RYR3: variants seen among roughly 807,000 people sequenced by gnomAD.
RYR3 encodes brain ryanodine receptor-calcium release channel.
A neutral mutation model predicts 584.3 loss-of-function variants in RYR3; 207 were observed. The observed-to-expected ratio is 0.35, with a 90% confidence interval of 0.32 to 0.40. The LOEUF (loss-of-function observed/expected upper bound fraction) is 0.40, where lower values mean the gene tolerates loss of function less well. Ranked by LOEUF, RYR3 falls within the 10% of genes least tolerant of loss-of-function variation. RYR3 has a pLI of 1.00. For synonymous variants in RYR3, 2,416 were observed against 2,248.5 expected, an observed-to-expected ratio of 1.07 and a Z score of -2.11; for missense variants, 5,616 against 6,089.2, an observed-to-expected ratio of 0.92 and a Z score of 2.59.
chr15:33,660,028 C>G (rs549789960), intron 33 of RYR3, among the ~76,000 whole-genome samples, 169 bp from the exon 34 acceptor site: 3 of 152,194 alleles, frequency 2.0e-5, no homozygotes, highest in African/African-American at 7.2e-5. Context: ...TCAATTAATG[C>G]TCATATAACC....
chr15:33,798,100 T>TTTATTTATTTA lies in RYR3; in HGVS notation c.9831-2668_9831-2667insATTTATTTATT, dbSNP rs554762342. On this transcript the variant is annotated intron_variant, in intron 67 of 103. Transcript: ENST00000634891. Reference sequence around the variant, plus strand: ...CTGTCTGTCTTTTATTTATTTATTTTTTTTGAGATGGAGTCTTGCTCTGTG... The same window carrying TTTATTTATTTA: ...CTGTCTGTCTTTTATTTATTTATTTTTTATTTATTTATTTTGAGATGGAGTCTTGCTCTGTG... Among the ~76,000 whole-genome samples the TTTATTTATTTA allele has an allele frequency of 1.6e-4, 21 of 133,162 alleles. 1 individual carries two copies. Among genetic ancestry groups the TTTATTTATTTA allele is most frequent in the Admixed American group, 1.2e-3 (16 of 13,618 alleles). 87.4% of individuals were successfully genotyped at this position (133,162 alleles called of 152,430 possible). A position where few individuals can be genotyped will look rare whatever the true frequency, so the allele number is the denominator to read the frequency against.
intron 1 of RYR3, among the ~76,000 whole-genome samples, chr15:33,435,706 T>C (rs779435675): frequency 2.6e-5 from 4 of 152,202 alleles, no homozygotes; most frequent in Non-Finnish European, 4.4e-5. Context: ...GAGTTGATTG[T>C]TCCTCCCGGT....
intron 60 of RYR3, among the ~76,000 whole-genome samples, chr15:33,766,507 G>C (rs2073087214): frequency 6.6e-6 from 1 of 152,206 alleles, no homozygotes; most frequent in African/African-American, 2.4e-5. Context: ...TGAGTAAAGT[G>C]AGATATTCAG....
chr15:33,776,991 C>T (rs145204155), intron 64 of RYR3, among the ~76,000 whole-genome samples: 306 of 152,304 alleles, frequency 2.0e-3, no homozygotes, highest in African/African-American at 6.8e-3. Flanking sequence ...CGAGACCAGA[C>T]GAGCCTGGGC....
At chr15:33,812,158 A>G (rs1403599121) in intron 72 of RYR3, among the ~76,000 whole-genome samples, 3 of 152,158 alleles carry the variant, frequency 2.0e-5, no homozygotes, top group African/African-American at 7.2e-5. Flanking sequence ...GAACCAGTAA[A>G]ACCCACAAAT....
intron 1 of RYR3, among the ~76,000 whole-genome samples, chr15:33,458,125 G>C (rs2047713429): frequency 6.6e-6 from 1 of 152,142 alleles, no homozygotes; most frequent in African/African-American, 2.4e-5. Flanking sequence ...GTGTGTCTGT[G>C]AGTGTGTTTC....
chr15:33,490,710 T>C (rs868143845), intron 2 of RYR3, among the ~76,000 whole-genome samples: 1 of 149,874 alleles, frequency 6.7e-6, no homozygotes, highest in African/African-American at 2.5e-5. Context: ...CTTCAGAAAA[T>C]TTCAAGTAAA....
chr15:33,540,741 G>T, intron 6 of RYR3, 50 bp from the exon 7 acceptor site: 1 of 1,143,764 alleles, frequency 8.7e-7, no homozygotes, highest in Non-Finnish European at 1.3e-6. Context: ...TGTTTCTGTC[G>T]GCACTGGACT....
Position 33,663,358 on chromosome 15 carries a change from T to C in RYR3, c.5419-179T>C, listed in dbSNP as rs116870720. On this transcript the variant is annotated intron_variant, in intron 35 of 103. Coordinates refer to ENST00000634891, the MANE Select transcript of RYR3 (RefSeq NM_001036.6). ...TCCATAGGCAGATTTCTTCTGTCTT[T>C]AGTGAGCTGTTTTCTGTTATTGCCT... Among the ~76,000 whole-genome samples the C allele has an allele frequency of 4.4e-4, 67 of 152,330 alleles. No individual in the cohort carries two copies. The East Asian group carries it at 0.012, about 26-fold the overall frequency.
intron 1 of RYR3, among the ~76,000 whole-genome samples, chr15:33,433,432 G>A (rs938328763): frequency 2.6e-5 from 4 of 151,820 alleles, no homozygotes; most frequent in East Asian, 3.9e-4. Context: ...TACATATTAC[G>A]TTCACTAAAC....
intron 19 of RYR3, among the ~76,000 whole-genome samples, chr15:33,617,423 G>C (rs78199684): frequency 0.17 from 26,369 of 151,606 alleles, 2,472 homozygotes; most frequent in African/African-American, 0.23. Context: ...AAAAAAAAAC[G>C]TATTTTATAA....
intron 3 of RYR3, among the ~76,000 whole-genome samples, chr15:33,525,515 TTAA>T (rs779650161): frequency 3.9e-5 from 6 of 152,212 alleles, no homozygotes; most frequent in Non-Finnish European, 8.8e-5. Flanking sequence ...GTTACAAATA[TTAA>T]TGTTCTCATC....
chr15:33,723,708 G>A (rs1384501913), intron 44 of RYR3, among the ~76,000 whole-genome samples: 1 of 152,226 alleles, frequency 6.6e-6, no homozygotes, highest in Non-Finnish European at 1.5e-5. Flanking sequence ...AACAGAGCCA[G>A]GACAGGGACT....
intron 1 of RYR3, among the ~76,000 whole-genome samples, chr15:33,455,039 C>G (rs2047431814): frequency 6.6e-6 from 1 of 152,104 alleles, no homozygotes; most frequent in South Asian, 2.1e-4. Flanking sequence ...AGTAAGGAAG[C>G]TATTGTAGAA....
chr15:33,404,583 CTG>C (rs1330411372), intron 1 of RYR3, among the ~76,000 whole-genome samples: 1 of 129,108 alleles, frequency 7.7e-6, no homozygotes, highest in East Asian at 2.0e-4. Context: ...CTATTTACTA[CTG>C]TGTGTTTTTT....
At chr15:33,546,367 A>G (rs2056235979) in intron 8 of RYR3, among the ~76,000 whole-genome samples, 1 of 152,168 alleles carries the variant, frequency 6.6e-6, no homozygotes, top group Non-Finnish European at 1.5e-5. Flanking sequence ...AGGTTGGTGC[A>G]GTATCATTTC....
rs777828892 is a variant in RYR3, at chr15:33,550,308, G to A, written c.964G>A (p.Ala322Thr). 8.7e-6 allele frequency: 14 copies of A among 1,612,162 alleles called. No individual in the cohort carries two copies. Among genetic ancestry groups the A allele is most frequent in the Admixed American group, 1.7e-5 (1 of 59,824 alleles). The change falls in exon 10 of 104, where the codon GCA becomes ACA. Residue 322 changes from alanine to threonine, a missense_variant. Transcript: ENST00000634891. ...DTKSTAFSFR[A>T]SKELKEKLDS... is the part of the protein sequence containing the mutation. ...CAAGTCCACAGCTTTCTCTTTCCGG[G>A]CATCAAAGGTAAGGTGTGATAAAGT...
intron 3 of RYR3, among the ~76,000 whole-genome samples, chr15:33,508,887 T>G (rs1290847570): frequency 1.3e-5 from 2 of 152,180 alleles, no homozygotes; most frequent in Non-Finnish European, 2.9e-5. Flanking sequence ...GTGTGGCACA[T>G]TTGTCATATG....
At chr15:33,751,505 G>A (rs916145427) in intron 57 of RYR3, among the ~76,000 whole-genome samples, 9 of 151,508 alleles carry the variant, frequency 5.9e-5, no homozygotes, top group South Asian at 4.2e-4. Flanking sequence ...GCTTTTTTTC[G>A]TATGCCAGTT....
Sources: gnomAD v4.1 joint callset for allele counts (sites outside exome capture counted in the v4.1 genomes callset) on GRCh38, gnomAD v4.1.1 for gene constraint, MANE v1.5 for transcripts, NCBI Gene and HGNC (gene_info 2026-07-23, HGNC 2026-07-21) for gene names.